Variants in DPYSL5 observed in about 807,000 individuals in gnomAD.
DPYSL5 encodes dihydropyrimidinase-related protein 5.
DPYSL5 carries 9 observed loss-of-function variants against 58.4 expected under a neutral mutation model. The observed-to-expected ratio is 0.15, with a 90% CI of 0.09 to 0.27. DPYSL5 has a LOEUF of 0.27. Among genes scored for constraint, DPYSL5 ranks in the 10% least tolerant of loss-of-function variants. The pLI, the probability that DPYSL5 is intolerant of heterozygous loss-of-function variation, is 1.00. For synonymous variants in DPYSL5, 293 were observed against 301.9 expected (o/e 0.97, Z 0.31); for missense variants, 499 against 770.6 (o/e 0.65, Z 4.17).
rs41288789 is a variant in DPYSL5, at chr2:26,944,749, G to T, written c.1534G>T (p.Ala512Ser). 1 of 1,614,098 alleles carries T rather than the reference G, an allele frequency of 6.2e-7. No individual in the cohort carries two copies. The highest frequency in any genetic ancestry group is 8.5e-7 in the Non-Finnish European group (1 of 1,179,998). The change falls in exon 12 of 13, where the codon GCA (alanine) becomes TCA (serine). Residue 512 changes from alanine to serine, a missense_variant. Around this residue, in one of 3 missense-constraint regions of DPYSL5, gnomAD observed 62 missense variants for 59.2 expected, o/e 1.05. Coordinates refer to ENST00000288699, the MANE Select transcript of DPYSL5 (RefSeq NM_020134.4). The surrounding 1 kb of genome is among the most constrained non-coding windows in gnomAD (Gnocchi z 4.4). Reference protein sequence around the residue: ...PGKKEMGTPLADTPTRPVTRH... With the variant: ...PGKKEMGTPLSDTPTRPVTRH... ...GAAAAAAGAGATGGGAACCCCACTC[G>T]CAGACACTCCTACCCGGCCCGTCAC...
At chr2:26,862,317 C>CTGAATTTAT (rs1168586940) in intron 1 of DPYSL5, among the ~76,000 whole-genome samples, 1 of 152,216 alleles carries the variant, frequency 6.6e-6, no homozygotes, top group Admixed American at 6.5e-5. Flanking sequence ...ATATGTTGAG[C>CTGAATTTAT]TGAATTTATT....
rs1345197980 is a variant in DPYSL5 at position 26,928,749 on chromosome 2, A to G, written c.669+426A>G. Among the ~76,000 whole-genome samples, 14 of 88,520 alleles carry G rather than the reference A, an allele frequency of 1.6e-4. 4 individuals carry two copies. The highest frequency in any genetic ancestry group is 3.2e-4 in the Non-Finnish European group (13 of 40,240). 58.1% of individuals were successfully genotyped at this position (88,520 alleles called of 152,430 possible). ...TATATACGCACACACACGCACACAC[A>G]TACGTGTGTGCGTGTGTGTGTGTGT... On this transcript the variant is annotated intron_variant, in intron 5 of 12. Coordinates refer to ENST00000288699, the MANE Select transcript of DPYSL5 (RefSeq NM_020134.4).
At position 26,883,386 on chromosome 2, in the gene DPYSL5, A is replaced by ATTGT. The variant is rs1284722746; in HGVS notation, c.-4-15095_-4-15092dup. On this transcript the variant is annotated intron_variant, in intron 1 of 12. Transcript: ENST00000288699. ...ATGGAATCATACCGTATTTGCTCTT[A>ATTGT]TTGTTTGTTTGTTTGTTTTTGTTTG... Among the ~76,000 whole-genome samples the ATTGT allele has an allele frequency of 5.3e-5, 8 of 151,814 alleles. No individual in the cohort carries two copies. In the South Asian group the frequency reaches 6.3e-4, roughly 12 times the overall value.
At chr2:26,893,217 G>A (rs1572692266) in intron 1 of DPYSL5, among the ~76,000 whole-genome samples, 1 of 152,228 alleles carries the variant, frequency 6.6e-6, no homozygotes, top group East Asian at 1.9e-4. Context: ...TGGTGGTTGA[G>A]GCTCCATATA....
chr2:26,888,208 C>CT (rs1553316444), intron 1 of DPYSL5, among the ~76,000 whole-genome samples: 1 of 117,826 alleles, frequency 8.5e-6, no homozygotes. Context: ...CCTTCCCTTT[C>CT]TTTTCTTTCT....
intron 1 of DPYSL5, among the ~76,000 whole-genome samples, chr2:26,888,255 T>TTCTTTCTGTCTTTCTTTCTG (rs1553316480): frequency 4.5e-4 from 49 of 108,256 alleles, no homozygotes; most frequent in African/African-American, 2.0e-3. Context: ...CTTTCTTTCT[T>TTCTTTCTGTCTTTCTTTCTG]TCTTTCTTTC....
chr2:26,909,954 A>T (rs540490), intron 2 of DPYSL5, among the ~76,000 whole-genome samples: 64,176 of 152,064 alleles, frequency 0.42, 14,119 homozygotes, highest in Admixed American at 0.55. Flanking sequence ...ACATACATCA[A>T]GAAGCCATCA....
At position 26,933,500 on chromosome 2, in the gene DPYSL5, C is replaced by A. The variant is rs1033652115; in HGVS notation, c.790+167C>A. On this transcript the variant is annotated intron_variant, in intron 7 of 12. Transcript: ENST00000288699. The surrounding 1 kb of genome is among the most constrained non-coding windows in gnomAD (Gnocchi z 4.2). ...TTCCTCAGAGCTGCCCTGTGCTATG[C>A]TGGCTTTAGTCTGCTAGAACATGAG... Among the ~76,000 whole-genome samples, 8 of 152,202 alleles carry A rather than the reference C, an allele frequency of 5.3e-5. No homozygotes were observed. Among genetic ancestry groups the A allele is most frequent in the Admixed American group, 2.6e-4 (4 of 15,278 alleles).
At chr2:26,860,627 A>G (rs995652527) in intron 1 of DPYSL5, among the ~76,000 whole-genome samples, 2 of 152,346 alleles carry the variant, frequency 1.3e-5, no homozygotes, top group East Asian at 3.9e-4. Context: ...AAAATTAGAC[A>G]TGACCTATCA....
rs531514555 is a variant in DPYSL5, at chr2:26,888,401, G to T, written c.-4-10095G>T. On this transcript the variant is annotated intron_variant, in intron 1 of 12. Transcript: ENST00000288699. ...TTCTCCTTCCTCAGCCTCCCGAGTA[G>T]CTGGGATTACAGGTGCGTGGCACCA... Among the ~76,000 whole-genome samples the T allele has an allele frequency of 3.3e-5, 5 of 152,222 alleles. No individual in the cohort carries two copies. The South Asian group carries it at 1.0e-3, about 32-fold the overall frequency.
rs1558359108 is a variant in DPYSL5 at position 26,946,939 on chromosome 2, C to T, written c.1639C>T (p.Arg547Ter). The change falls in exon 13 of 13, where the codon CGA becomes TGA. Residue 547 changes from arginine to a stop codon, truncating the protein, a stop_gained. Transcript: ENST00000288699. LOFTEE classifies it high-confidence loss of function. The stretch of plus-strand genomic sequence containing the variant: ...TCAGATCGATGACCATGTTCCAAAG[C>T]GAGCTTCAGCTCGGATCCTCGCTCC... Reference protein sequence around the residue: ...GSQIDDHVPKRASARILAPPG... With the variant: ...GSQIDDHVPK The T allele has an allele frequency of 6.2e-7, 1 of 1,614,122 alleles. No homozygotes were observed. The highest frequency in any genetic ancestry group is 8.5e-7 in the Non-Finnish European group (1 of 1,179,938).
chr2:26,923,879 T>G (rs1199287822), intron 2 of DPYSL5, among the ~76,000 whole-genome samples: 5 of 152,148 alleles, frequency 3.3e-5, no homozygotes, highest in Admixed American at 6.5e-5. Flanking sequence ...AGGCTCATCT[T>G]GAACTCTTGA....
intron 1 of DPYSL5, among the ~76,000 whole-genome samples, chr2:26,862,262 T>G (rs576104055): frequency 1.5e-4 from 23 of 152,272 alleles, no homozygotes; most frequent in Non-Finnish European, 2.8e-4. Context: ...AGGGCTCTCT[T>G]GTGGCACTTG....
At chr2:26,946,841 G>A in intron 12 of DPYSL5, 69 bp from the exon 13 acceptor site, 1 of 1,256,208 alleles carries the variant, frequency 8.0e-7, no homozygotes, top group Non-Finnish European at 1.2e-6. Flanking sequence ...GAGCCTCCAG[G>A]AGAGGGTGTC....
chr2:26,865,395 A>G (rs1346861278), intron 1 of DPYSL5, among the ~76,000 whole-genome samples: 6 of 140,290 alleles, frequency 4.3e-5, no homozygotes, highest in Admixed American at 4.0e-4. Flanking sequence ...ATCTCAGCTC[A>G]CTGCAACCTC....
chr2:26,881,529 G>A (rs2148124533), intron 1 of DPYSL5, among the ~76,000 whole-genome samples: 1 of 152,302 alleles, frequency 6.6e-6, no homozygotes, highest in Admixed American at 6.5e-5. Flanking sequence ...ATTCTGGACT[G>A]GTGTAAAAAT....
chr2:26,904,084 G>A (rs72851824), intron 2 of DPYSL5, among the ~76,000 whole-genome samples: 1,753 of 152,334 alleles, frequency 0.012, 44 homozygotes, highest in African/African-American at 0.04. Flanking sequence ...TGCTTGTGCA[G>A]CATGGGATCG....
intron 1 of DPYSL5, among the ~76,000 whole-genome samples, chr2:26,860,022 G>A (rs1486340821): frequency 1.3e-5 from 2 of 152,150 alleles, no homozygotes; most frequent in East Asian, 1.9e-4. Context: ...TCCTAGGCAC[G>A]AGAGATCTTG....
In DPYSL5 at chr2:26,867,752, G is replaced by T. The variant is rs186828103; in HGVS notation, c.-5+19498G>T. On this transcript the variant is annotated intron_variant, in intron 1 of 12. Coordinates refer to ENST00000288699, the MANE Select transcript of DPYSL5 (RefSeq NM_020134.4). ...TTACAGGCGTGAGCCACCGCGCCCG[G>T]CCCCCAATTGTTTGTTTTTGCCCTG... Among the ~76,000 whole-genome samples, 449 of 152,316 alleles carry T rather than the reference G, an allele frequency of 2.9e-3. 4 individuals are homozygous for T. Among genetic ancestry groups the T allele is most frequent in the African/African-American group, 0.011 (437 of 41,580 alleles).
Sources: gnomAD v4.1 joint callset for allele counts (sites outside exome capture counted in the v4.1 genomes callset) on GRCh38, gnomAD v4.1.1 for gene constraint, gnomAD v4.1.1 regional missense constraint, Gnocchi (gnomAD v3.1) non-coding constraint, MANE v1.5 for transcripts, NCBI Gene and HGNC (gene_info 2026-07-23, HGNC 2026-07-21) for gene names.